The following SNX8 variants were observed in gnomAD, a reference collection of about 807,000 sequenced individuals.
The protein encoded by SNX8 is sorting nexin-8.
In SNX8, 25 loss-of-function variants were observed where a neutral mutation model predicts 51.6. That is an observed-to-expected ratio of 0.48 (90% CI 0.35 to 0.68). The LOEUF (loss-of-function observed/expected upper bound fraction) is 0.68, where lower values mean the gene tolerates loss of function less well. Ranked by LOEUF, SNX8 falls within the 30% of genes least tolerant of loss-of-function variation. The pLI is 0.00. For synonymous variants in SNX8, 324 were observed against 277.0 expected (o/e 1.17, Z -1.68); for missense variants, 695 against 624.0 (o/e 1.11, Z -1.21).
Position 2,269,658 on chromosome 7 carries a change from C to T in SNX8, c.541-19G>A, listed in dbSNP as rs1405048435. The T allele has an allele frequency of 1.3e-6, 2 of 1,553,930 alleles. No individual in the cohort carries two copies. Among genetic ancestry groups the T allele is most frequent in the South Asian group, 2.4e-5 (2 of 84,898 alleles). On this transcript the variant is annotated intron_variant, in intron 4 of 10. Transcript: ENST00000222990. ...GCACATCCTGCAAAAGGAAAACACA[C>T]AGCTTCACCCTCTTCTACTAGCAGC...
At chr7:2,301,325 G>A (rs77464636) in intron 1 of SNX8, among the ~76,000 whole-genome samples, 1,783 of 152,270 alleles carry the variant, frequency 0.012, 59 homozygotes, top group East Asian at 0.071. Flanking sequence ...CCTATTGGCC[G>A]TGTGCTCATG....
At chr7:2,351,986 C>T (rs1369914378) in intron 1 of SNX8, among the ~76,000 whole-genome samples, 3 of 137,268 alleles carry the variant, frequency 2.2e-5, no homozygotes, top group Non-Finnish European at 3.1e-5. Context: ...CCGCTCACTA[C>T]GCCCTCTGCC....
Position 2,314,352 on chromosome 7 carries a change from C to G in SNX8, c.70G>C (p.Glu24Gln). The G allele has an allele frequency of 8.2e-7, 1 of 1,224,114 alleles. No homozygotes were observed. Among genetic ancestry groups the G allele is most frequent in the African/African-American group, 1.6e-5 (1 of 64,090 alleles). The allele number at this position is 1,224,114 out of a possible 1,614,324, so 75.8% of individuals were successfully genotyped here. ...VGAAAEAEAD[E>Q]EADPPASDLP... ...CCTGACGCCGGGGGATCCGCCTCCTCGTCAGCCTCCGCCTCAGCTGCCGCC... is the reference window on the plus strand; with the variant it reads ...CCTGACGCCGGGGGATCCGCCTCCTGGTCAGCCTCCGCCTCAGCTGCCGCC... The change falls in exon 1 of 11, where the codon GAG (glutamate) becomes CAG (glutamine). Residue 24 changes from glutamate (E) to glutamine (Q), a missense_variant. By Grantham distance (29) the Glu-to-Gln change is conservative. Coordinates refer to ENST00000222990, the MANE Select transcript of SNX8 (RefSeq NM_013321.4).
intron 10 of SNX8, 93 bp downstream of exon 10, chr7:2,256,781 G>C: frequency 7.5e-7 from 1 of 1,340,732 alleles, no homozygotes; most frequent in Non-Finnish European, 1.0e-6. Context: ...CCTCTCTAGG[G>C]CGGCCGGCCA....
chr7:2,331,705 A>T (rs1301215966), intron 1 of SNX8, among the ~76,000 whole-genome samples: 1 of 145,492 alleles, frequency 6.9e-6, no homozygotes, highest in African/African-American at 2.5e-5. Flanking sequence ...ACTCCGTCTC[A>T]AAATAAATAA....
chr7:2,344,033 CAAAAAAA>C (rs61399367), intron 1 of SNX8, among the ~76,000 whole-genome samples: 5 of 58,956 alleles, frequency 8.5e-5, no homozygotes, highest in African/African-American at 1.8e-4. Flanking sequence ...AACTCCATCT[CAAAAAAA>C]AAAAAAAAAA....
intron 1 of SNX8, among the ~76,000 whole-genome samples, chr7:2,333,327 C>A (rs1343086807): frequency 6.6e-6 from 1 of 152,186 alleles, no homozygotes; most frequent in African/African-American, 2.4e-5. Context: ...TTGTGGGAGG[C>A]TGAGGCGGGT....
intron 1 of SNX8, among the ~76,000 whole-genome samples, chr7:2,321,067 G>A (rs1365374370): frequency 6.6e-6 from 1 of 152,192 alleles, no homozygotes. Flanking sequence ...CGAAATGTGT[G>A]TAGCCGGTGG....
chr7:2,315,646 G>T (rs111162086), upstream of SNX8, among the ~76,000 whole-genome samples: 58,115 of 138,014 alleles, frequency 0.42, 13,744 homozygotes, highest in African/African-American at 0.66. Flanking sequence ...ACCCACTCAC[G>T]CACTGCATCC....
chr7:2,282,293 A>T (rs1210862737), intron 1 of SNX8, among the ~76,000 whole-genome samples: 1 of 152,166 alleles, frequency 6.6e-6, no homozygotes, highest in African/African-American at 2.4e-5. Context: ...CCTTCCACAC[A>T]ATGTGTGGGA....
At chr7:2,347,341 C>T (rs1445908291) in intron 1 of SNX8, among the ~76,000 whole-genome samples, 3 of 151,534 alleles carry the variant, frequency 2.0e-5, no homozygotes, top group East Asian at 2.0e-4. Context: ...ATTAGTCAGG[C>T]TTCGTGGTGG....
chr7:2,329,799 G>A (rs1386218323), intron 1 of SNX8, among the ~76,000 whole-genome samples: 2 of 151,376 alleles, frequency 1.3e-5, no homozygotes, highest in Non-Finnish European at 2.9e-5. Flanking sequence ...CCTGGCCCTA[G>A]TCAGCTCTTC....
exon 1 of SNX8, chr7:2,354,277 C>G (rs1779259181): frequency 6.6e-6 from 1 of 152,234 alleles, no homozygotes; most frequent in Middle Eastern, 3.2e-3. Context: ...CTCTCTGGCT[C>G]GCCCCGAATT....
At chr7:2,317,220 G>A (rs556919759), upstream of SNX8, among the ~76,000 whole-genome samples, 7 of 140,414 alleles carry the variant, frequency 5.0e-5, no homozygotes, top group East Asian at 1.5e-3. Flanking sequence ...ATCAGGAAGG[G>A]CTTGTTTCCA....
chr7:2,303,887 C>G (rs1403645401), intron 1 of SNX8, among the ~76,000 whole-genome samples: 1 of 151,768 alleles, frequency 6.6e-6, no homozygotes, highest in East Asian at 1.9e-4. Context: ...CCGACCTTCC[C>G]TCCACTATTG....
At chr7:2,341,843 C>T (rs147480062) in intron 1 of SNX8, among the ~76,000 whole-genome samples, 3,581 of 151,532 alleles carry the variant, frequency 0.024, 97 homozygotes, top group Admixed American at 0.062. Flanking sequence ...AAAAATTAGC[C>T]GGGTGTGTAA....
At chr7:2,276,127 G>T (rs1040337175) in intron 2 of SNX8, among the ~76,000 whole-genome samples, 1 of 152,204 alleles carries the variant, frequency 6.6e-6, no homozygotes, top group African/African-American at 2.4e-5. Context: ...ATGTGGCAAT[G>T]AATTTACTTA....
At chr7:2,263,487 G>C (rs1795388130) in intron 6 of SNX8, 125 bp from the exon 7 acceptor site, 1 of 958,584 alleles carries the variant, frequency 1.0e-6, no homozygotes, top group African/African-American at 1.7e-5. Context: ...CTAGGACCCT[G>C]CTGCTCAAAG....
chr7:2,342,472 G>C (rs1778949659), intron 1 of SNX8, among the ~76,000 whole-genome samples: 1 of 152,008 alleles, frequency 6.6e-6, no homozygotes, highest in Non-Finnish European at 1.5e-5. Flanking sequence ...TGGCCAACAT[G>C]GTGAAACCCC....
Sources: gnomAD v4.1 joint callset for allele counts (sites outside exome capture counted in the v4.1 genomes callset) on GRCh38, gnomAD v4.1.1 for gene constraint, MANE v1.5 for transcripts, NCBI Gene and HGNC (gene_info 2026-07-23, HGNC 2026-07-21) for gene names.